Variants in GUCY1A2 observed in about 807,000 individuals in gnomAD.
The protein encoded by GUCY1A2 is guanylate cyclase soluble subunit alpha-2.
Under a neutral mutation model 63.5 loss-of-function variants are expected in GUCY1A2, and 27 were observed. That is an observed-to-expected ratio of 0.43 (90% CI 0.31 to 0.59). The LOEUF (loss-of-function observed/expected upper bound fraction) is 0.59, where lower values mean the gene tolerates loss of function less well. GUCY1A2 is among the 20% of genes least tolerant of loss of function. GUCY1A2 has a pLI of 0.11. For missense variants in GUCY1A2, 768 were observed against 913.3 expected (o/e 0.84, Z 2.05); for synonymous variants, 364 against 343.5 (o/e 1.06, Z -0.66).
At chr11:106,771,766 C>G (rs2883167) in intron 6 of GUCY1A2, among the ~76,000 whole-genome samples, 1 of 151,072 alleles carries the variant, frequency 6.6e-6, no homozygotes, top group Non-Finnish European at 1.5e-5. Context: ...GGAAAAAAAA[C>G]AAGAAAATCA....
At chr11:106,691,068 C>A (rs1005079930) in intron 7 of GUCY1A2, among the ~76,000 whole-genome samples, 3 of 152,108 alleles carry the variant, frequency 2.0e-5, no homozygotes, top group African/African-American at 7.2e-5. Context: ...AATTCCACAA[C>A]AATTTTGCTA....
At position 106,680,247 on chromosome 11, in the gene GUCY1A2, C is replaced by G. The variant is rs1862410404; in HGVS notation, c.*7302G>C. ...TGAGGTATGAAGAAACAATTTTGCACATTCCTGATTTTATTTCAGTTATTA... is the reference window on the plus strand; with the variant it reads ...TGAGGTATGAAGAAACAATTTTGCAGATTCCTGATTTTATTTCAGTTATTA... On this transcript the variant is annotated 3_prime_UTR_variant, in exon 8 of 8. Coordinates refer to ENST00000526355, the MANE Select transcript of GUCY1A2 (RefSeq NM_000855.3). The G allele has an allele frequency of 1.4e-5, 3 of 210,234 alleles. No homozygotes were observed. In the South Asian group the frequency reaches 5.6e-4, roughly 39 times the overall value. The allele number at this position is 210,234 out of a possible 1,614,324, so 13.0% of individuals were successfully genotyped here.
intron 4 of GUCY1A2, among the ~76,000 whole-genome samples, chr11:106,899,446 A>C (rs1352368255): frequency 6.6e-6 from 1 of 152,220 alleles, no homozygotes; most frequent in Non-Finnish European, 1.5e-5. Context: ...TGGAGAGATA[A>C]ATAAAACAAG....
Position 106,797,127 on chromosome 11 carries a change from G to A in GUCY1A2, c.1692+12866C>T, listed in dbSNP as rs142657209. Among the ~76,000 whole-genome samples the A allele has an allele frequency of 6.1e-3, 924 of 152,014 alleles. 3 individuals are homozygous for A. The highest frequency in any genetic ancestry group is 0.021 in the African/African-American group (853 of 41,506). ...TCGTGCCATGGTTTTCTGCTCCATC[G>A]GGTCATTTAAGGACTTCTCTACAAT... On this transcript the variant is annotated intron_variant, in intron 5 of 7. Coordinates refer to ENST00000526355, the MANE Select transcript of GUCY1A2 (RefSeq NM_000855.3).
intron 6 of GUCY1A2, chr11:106,746,426 C>T: frequency 5.5e-6 from 3 of 541,634 alleles, no homozygotes; most frequent in Non-Finnish European, 9.8e-6. Context: ...AGTACTACTA[C>T]AAACAAAAGG....
chr11:106,799,713 T>G (rs1325780704), intron 5 of GUCY1A2, among the ~76,000 whole-genome samples: 1 of 152,194 alleles, frequency 6.6e-6, no homozygotes, highest in Non-Finnish European at 1.5e-5. Flanking sequence ...ACTAGATCCC[T>G]TCCTTACACC....
intron 7 of GUCY1A2, among the ~76,000 whole-genome samples, chr11:106,693,133 T>C (rs557922605): frequency 1.3e-5 from 2 of 152,162 alleles, no homozygotes; most frequent in Non-Finnish European, 2.9e-5. Flanking sequence ...CAAGCGATAC[T>C]TGAAGGGCAA....
At chr11:106,921,799 C>T (rs1860447781) in intron 4 of GUCY1A2, among the ~76,000 whole-genome samples, 1 of 152,116 alleles carries the variant, frequency 6.6e-6, no homozygotes, top group African/African-American at 2.4e-5. Flanking sequence ...TTAGGGGTTA[C>T]CACAATGTGT....
chr11:106,845,898 G>A (rs773697757), intron 4 of GUCY1A2, among the ~76,000 whole-genome samples: 10 of 151,518 alleles, frequency 6.6e-5, no homozygotes, highest in Non-Finnish European at 1.0e-4. Context: ...TCCTTTCAAC[G>A]AAAAGATTTA....
intron 3 of GUCY1A2, among the ~76,000 whole-genome samples, chr11:106,972,715 C>T (rs1861211795): frequency 6.6e-6 from 1 of 152,080 alleles, no homozygotes; most frequent in East Asian, 1.9e-4. Context: ...AACTATGCCA[C>T]ATTCCACTCA....
chr11:106,875,961 G>T (rs1053569300), intron 4 of GUCY1A2, among the ~76,000 whole-genome samples: 1 of 151,862 alleles, frequency 6.6e-6, no homozygotes, highest in Admixed American at 6.6e-5. Context: ...CATTGCAGTT[G>T]ATATTCCATT....
intron 5 of GUCY1A2, among the ~76,000 whole-genome samples, chr11:106,777,066 A>G (rs1176390155): frequency 6.6e-6 from 1 of 152,118 alleles, no homozygotes; most frequent in Non-Finnish European, 1.5e-5. Context: ...TGTAACGCCT[A>G]ATGTTTCTTA....
chr11:106,929,197 G>A lies in GUCY1A2; in HGVS notation c.1206+10263C>T, dbSNP rs188897548. Among the ~76,000 whole-genome samples the A allele has an allele frequency of 3.9e-4, 60 of 152,312 alleles. 1 individual carries two copies. In the East Asian group the frequency reaches 0.011, roughly 29 times the overall value. The stretch of plus-strand genomic sequence containing the variant: ...TTCAATTTCATGGAGGCTGAAAAAT[G>A]TAAATAAGTGGCTTTCTTATAAAGC... On this transcript the variant is annotated intron_variant, in intron 4 of 7. Transcript: ENST00000526355.
At chr11:106,836,448 T>C (rs1256573643) in intron 4 of GUCY1A2, among the ~76,000 whole-genome samples, 3 of 152,036 alleles carry the variant, frequency 2.0e-5, no homozygotes, top group African/African-American at 7.2e-5. Flanking sequence ...ATCGTCTGTC[T>C]GAAATGACAG....
rs1482297364 is a variant in GUCY1A2 at position 106,783,828 on chromosome 11, C to T, written c.1693-7246G>A. Among the ~76,000 whole-genome samples the T allele has an allele frequency of 1.3e-5, 2 of 152,170 alleles. 1 individual carries two copies. The highest frequency in any genetic ancestry group is 4.1e-4 in the South Asian group (2 of 4,832). On this transcript the variant is annotated intron_variant, in intron 5 of 7. Coordinates refer to ENST00000526355, the MANE Select transcript of GUCY1A2 (RefSeq NM_000855.3). ...TCTGCACCTTGGCCCCTACGCATGA[C>T]CTTGGGTGGGGGTGGTTTCAAAAGG... is the stretch of plus-strand genomic sequence containing the variant.
rs1214030211 is a variant in GUCY1A2 at position 106,683,395 on chromosome 11, G to A, written c.*4154C>T. ...ATAATTAATTTCAAAGGAACATTCAGTGAAGCTGTATGAAGTGCTTGGAGT... is the reference window on the plus strand; with the variant it reads ...ATAATTAATTTCAAAGGAACATTCAATGAAGCTGTATGAAGTGCTTGGAGT... On this transcript the variant is annotated 3_prime_UTR_variant, in exon 8 of 8. Transcript: ENST00000526355. The A allele has an allele frequency of 1.8e-5, 4 of 225,364 alleles. No individual in the cohort carries two copies. Among genetic ancestry groups the A allele is most frequent in the South Asian group, 3.7e-4 (2 of 5,472 alleles). The allele number at this position is 225,364 out of a possible 1,614,324, so 14.0% of individuals were successfully genotyped here.
chr11:106,878,782 T>TTA (rs1555044003), intron 4 of GUCY1A2, among the ~76,000 whole-genome samples: 2 of 138,002 alleles, frequency 1.4e-5, no homozygotes, highest in African/African-American at 5.3e-5. Flanking sequence ...ACTTAAAAGT[T>TTA]AAAAAAAAAA....
At position 106,778,019 on chromosome 11, in the gene GUCY1A2, C is replaced by T. The variant is rs76237766; in HGVS notation, c.1693-1437G>A. On this transcript the variant is annotated intron_variant, in intron 5 of 7. Transcript: ENST00000526355. The stretch of plus-strand genomic sequence containing the variant: ...TGTTAATAAATATTTTAAATATTTA[C>T]CCCAGGTTAAAACTCCCAAATTTCC... Among the ~76,000 whole-genome samples, 92 of 152,078 alleles carry T rather than the reference C, an allele frequency of 6.0e-4. 1 individual carries two copies. The East Asian group carries it at 0.012, about 20-fold the overall frequency.
intron 4 of GUCY1A2, among the ~76,000 whole-genome samples, chr11:106,879,397 A>G (rs181092410): frequency 2.6e-5 from 4 of 152,256 alleles, no homozygotes; most frequent in African/African-American, 9.6e-5. Context: ...AGAACAGGGT[A>G]AGTAAAATTA....
Sources: allele counts gnomAD v4.1 joint callset (sites outside exome capture counted in the v4.1 genomes callset), GRCh38; gene constraint gnomAD v4.1.1; transcripts MANE v1.5; gene names NCBI Gene and HGNC (gene_info 2026-07-23, HGNC 2026-07-21).